ACTR3C: variants seen among roughly 807,000 people sequenced by gnomAD.
ACTR3C encodes the protein actin-related protein 3C.
Under a neutral mutation model 26.3 loss-of-function variants are expected in ACTR3C, and 18 were observed. The observed-to-expected ratio is 0.68, with a 90% CI of 0.47 to 1.01. The LOEUF (loss-of-function observed/expected upper bound fraction) is 1.01. ACTR3C is among the 50% of genes least tolerant of loss of function. The pLI, the probability that ACTR3C is intolerant of heterozygous loss-of-function variation, is 0.00. For synonymous variants in ACTR3C, 55 were observed against 94.5 expected, an observed-to-expected ratio of 0.58 and a Z score of 2.42; for missense variants, 184 against 250.7, an observed-to-expected ratio of 0.73 and a Z score of 1.80.
the ACTR3C span, among the ~76,000 whole-genome samples, chr7:150,129,399 AG>A: frequency 6.6e-6 from 1 of 152,242 alleles, no homozygotes; most frequent in Non-Finnish European, 1.5e-5. Flanking sequence ...GTAATAAGGT[AG>A]GAAAAGGAAA....
the ACTR3C span, among the ~76,000 whole-genome samples, chr7:150,153,041 T>C: frequency 6.6e-6 from 1 of 152,194 alleles, no homozygotes; most frequent in Non-Finnish European, 1.5e-5. Flanking sequence ...TCTTCTTTAT[T>C]AGTCTTACTA....
At chr7:150,112,019 C>T in the ACTR3C span, among the ~76,000 whole-genome samples, 1 of 151,072 alleles carries the variant, frequency 6.6e-6, no homozygotes, top group African/African-American at 2.4e-5. Flanking sequence ...ACTGCATTTC[C>T]GGGATTCATT....
At chr7:150,201,847 T>C in the ACTR3C span, among the ~76,000 whole-genome samples, 2 of 152,194 alleles carry the variant, frequency 1.3e-5, no homozygotes, top group Non-Finnish European at 2.9e-5. Context: ...ATTGCATTTA[T>C]TGTAGCATTT....
the ACTR3C span, among the ~76,000 whole-genome samples, chr7:149,906,351 A>G: frequency 6.6e-6 from 1 of 150,772 alleles, no homozygotes; most frequent in Non-Finnish European, 1.5e-5. Flanking sequence ...TGAAATATGC[A>G]GTAATGACGT....
the ACTR3C span, among the ~76,000 whole-genome samples, chr7:150,145,266 T>C: frequency 6.6e-6 from 1 of 152,088 alleles, no homozygotes; most frequent in African/African-American, 2.4e-5. Flanking sequence ...AGTGAAGACC[T>C]GAAGGGCTCC....
At chr7:149,917,994 T>C in the ACTR3C span, among the ~76,000 whole-genome samples, 1 of 152,204 alleles carries the variant, frequency 6.6e-6, no homozygotes, top group African/African-American at 2.4e-5. Flanking sequence ...ACAATCTCCA[T>C]ATTGTGCAAT....
the ACTR3C span, among the ~76,000 whole-genome samples, chr7:150,203,803 G>A: frequency 6.6e-6 from 1 of 152,126 alleles, no homozygotes; most frequent in African/African-American, 2.4e-5. Context: ...TTGACCTCAG[G>A]TGATCCACCT....
chr7:150,043,139 C>T, the ACTR3C span, among the ~76,000 whole-genome samples: 1 of 151,104 alleles, frequency 6.6e-6, no homozygotes, highest in African/African-American at 2.4e-5. Context: ...TGTTCCCGAG[C>T]TGCGTTCGGA....
At chr7:150,037,155 T>TC in the ACTR3C span, among the ~76,000 whole-genome samples, 35 of 46,410 alleles carry the variant, frequency 7.5e-4, 12 homozygotes, top group Non-Finnish European at 1.4e-3. Flanking sequence ...GGGGGGTGCC[T>TC]CCCCCCCTGT....
At chr7:149,932,353 G>A in the ACTR3C span, among the ~76,000 whole-genome samples, 1 of 152,166 alleles carries the variant, frequency 6.6e-6, no homozygotes, top group Non-Finnish European at 1.5e-5. Flanking sequence ...ACTGCTAATG[G>A]ATACGGGATT....
chr7:150,072,837 A>T, the ACTR3C span, among the ~76,000 whole-genome samples: 2 of 152,054 alleles, frequency 1.3e-5, no homozygotes, highest in African/African-American at 4.8e-5. Context: ...GTGAAGGAAG[A>T]TACTGGAAGA....
the ACTR3C span, among the ~76,000 whole-genome samples, chr7:150,027,871 G>T: frequency 1.3e-5 from 2 of 151,952 alleles, no homozygotes; most frequent in South Asian, 4.1e-4. Flanking sequence ...ACTATAATTT[G>T]AACATTCTCG....
chr7:150,227,688 G>GTGTTTTTTTTTT, the ACTR3C span, among the ~76,000 whole-genome samples: 29 of 111,374 alleles, frequency 2.6e-4, no homozygotes, highest in East Asian at 8.1e-4. Context: ...TTGTGTCTGG[G>GTGTTTTTTTTTT]TTTTTTTTTT....
At chr7:150,063,463 C>G in the ACTR3C span, among the ~76,000 whole-genome samples, 4 of 150,970 alleles carry the variant, frequency 2.6e-5, no homozygotes, top group African/African-American at 7.4e-5. Flanking sequence ...CATGTGCCTC[C>G]CAGGGTCAAA....
chr7:150,033,553 C>A, the ACTR3C span, among the ~76,000 whole-genome samples: 2 of 151,982 alleles, frequency 1.3e-5, no homozygotes, highest in African/African-American at 2.4e-5. Context: ...GGGTCCTAAG[C>A]CAGGGGTGGA....
intron 6 of ACTR3C, among the ~76,000 whole-genome samples, chr7:150,267,037 A>G (rs1834093275): frequency 6.6e-6 from 1 of 152,242 alleles, no homozygotes; most frequent in Non-Finnish European, 1.5e-5. Context: ...TACATTTCCA[A>G]TGTTCATAGC....
At chr7:150,070,919 C>T in the ACTR3C span, among the ~76,000 whole-genome samples, 7 of 149,718 alleles carry the variant, frequency 4.7e-5, no homozygotes, top group Non-Finnish European at 8.9e-5. Context: ...CTCAGCCTCC[C>T]GAGTAGCTGG....
intron 6 of ACTR3C, among the ~76,000 whole-genome samples, chr7:150,280,006 T>G (rs533415269): frequency 5.0e-4 from 76 of 152,304 alleles, no homozygotes; most frequent in Middle Eastern, 3.4e-3. Context: ...TAGAAAGACA[T>G]CCATTACATT....
chr7:150,103,163 A>T, the ACTR3C span, among the ~76,000 whole-genome samples: 1 of 151,902 alleles, frequency 6.6e-6, no homozygotes, highest in Non-Finnish European at 1.5e-5. Context: ...AAGCAAGGAG[A>T]TGGGCCTTAA....
Sources: allele counts gnomAD v4.1 joint callset (sites outside exome capture counted in the v4.1 genomes callset), GRCh38; gene constraint gnomAD v4.1.1; transcripts MANE v1.5; gene names NCBI Gene and HGNC (gene_info 2026-07-23, HGNC 2026-07-21).